Variants in PLPP2 observed in about 807,000 individuals in gnomAD.
PLPP2 encodes the protein phospholipid phosphatase 2, also known as PAP2-gamma.
In PLPP2, 29 loss-of-function variants were observed where a neutral mutation model predicts 35.2. The observed-to-expected ratio is 0.82, with a 90% CI of 0.61 to 1.12. The LOEUF (loss-of-function observed/expected upper bound fraction) is 1.12, where lower values mean the gene tolerates loss of function less well. Ranked by LOEUF, PLPP2 falls within the 50% of genes most tolerant of loss-of-function variation. The pLI is 0.00. For synonymous variants in PLPP2, 162 were observed against 167.0 expected (o/e 0.97, Z 0.23); for missense variants, 353 against 375.2 (o/e 0.94, Z 0.49).
chr19:288,425 T>A (rs1042568421), intron 1 of PLPP2: 2 of 361,642 alleles, frequency 5.5e-6, no homozygotes, highest in African/African-American at 4.2e-5. Flanking sequence ...ACACCCACCT[T>A]TGCACAGCCA....
chr19:287,787 G>A lies in PLPP2; in HGVS notation c.205-36C>T, dbSNP rs767088791. ...AGCCGCAGGAACCAGTGGGGGTCTC[G>A]GTCGGCCCAGGGGCCCTCACTCCTC... On this transcript the variant is annotated intron_variant, in intron 2 of 5. Coordinates refer to ENST00000434325, the MANE Select transcript of PLPP2 (RefSeq NM_003712.4). The surrounding 1 kb of genome is among the most constrained non-coding windows in gnomAD (Gnocchi z 4.3). 3.7e-5 allele frequency: 59 copies of A among 1,609,712 alleles called. No homozygotes were observed. In the Admixed American group the frequency reaches 6.0e-4, roughly 16 times the overall value.
At chr19:281,671 C>A (rs1970176342) in intron 5 of PLPP2, 134 bp from the exon 6 acceptor site, 2 of 831,550 alleles carry the variant, frequency 2.4e-6, no homozygotes, top group East Asian at 5.6e-5. Context: ...AGGAGTAGTG[C>A]CTGGGGTGGG....
chr19:287,312 C>G lies in PLPP2; in HGVS notation c.482+162G>C. On this transcript the variant is annotated intron_variant, in intron 3 of 5. Transcript: ENST00000434325. This position sits in a 1 kb window ranked among gnomAD's most constrained non-coding sequence, Gnocchi z 4.3. ...GACAGAATGTTACAACATGGATGAA[C>G]TTCAAAAACATACAAGAATGCACTA... is the stretch of plus-strand genomic sequence containing the variant. The G allele has an allele frequency of 3.3e-6, 3 of 901,122 alleles. No homozygotes were observed. The South Asian group carries it at 5.2e-5, about 16-fold the overall frequency. 55.8% of individuals were successfully genotyped at this position (901,122 alleles called of 1,614,324 possible). A position where few individuals can be genotyped will look rare whatever the true frequency, so the allele number is the denominator to read the frequency against.
chr19:287,915 C>T lies in PLPP2; in HGVS notation c.204+105G>A, dbSNP rs1347472185. On this transcript the variant is annotated intron_variant, in intron 2 of 5. Coordinates refer to ENST00000434325, the MANE Select transcript of PLPP2 (RefSeq NM_003712.4). This position sits in a 1 kb window ranked among gnomAD's most constrained non-coding sequence, Gnocchi z 4.3. The stretch of plus-strand genomic sequence containing the variant: ...CAAGGCTGTGTCCCCCGGCCCCACA[C>T]AGACCTCCAGGGCAGGGCTGTGCCA... 6.5e-7 allele frequency: 1 copy of T among 1,526,780 alleles called. No homozygotes were observed. Among genetic ancestry groups the T allele is most frequent in the Non-Finnish European group, 8.9e-7 (1 of 1,128,288 alleles). 94.6% of individuals were successfully genotyped at this position (1,526,780 alleles called of 1,614,324 possible). A position where few individuals can be genotyped will look rare whatever the true frequency, so the allele number is the denominator to read the frequency against.
chr19:282,155 C>T lies in PLPP2; in HGVS notation c.696G>A (p.Gly232=). 1.2e-6 allele frequency: 2 copies of T among 1,613,610 alleles called. No homozygotes were observed. The highest frequency in any genetic ancestry group is 1.7e-6 in the Non-Finnish European group (2 of 1,179,802). Residue 232 remains glycine, a synonymous_variant, in exon 5 of 6, where the codon GGG becomes GGA. Coordinates refer to ENST00000434325, the MANE Select transcript of PLPP2 (RefSeq NM_003712.4). The part of the protein sequence containing the change: ...WSDVLVGLLQ[G]ALVAALTVCY... The stretch of plus-strand genomic sequence containing the variant: ...TCACAGTGAGGGCAGCCACCAGTGC[C>T]CCCTGCAGGAGGCCAACAAGGACAT...
At chr19:290,858 G>C in intron 1 of PLPP2, 2 of 1,040,818 alleles carry the variant, frequency 1.9e-6, no homozygotes, top group Non-Finnish European at 2.4e-6. Flanking sequence ...CCCTCTCCGC[G>C]CGCAGCGGGA....
At chr19:291,118 T>G in intron 1 of PLPP2, 167 bp downstream of exon 1, 2 of 1,372,840 alleles carry the variant, frequency 1.5e-6, no homozygotes, top group Non-Finnish European at 1.9e-6. Context: ...GCGCGCGCAG[T>G]GCGGGGCGCG....
At chr19:288,885 G>C (rs73916866) in intron 1 of PLPP2, among the ~76,000 whole-genome samples, 1 of 152,108 alleles carries the variant, frequency 6.6e-6, no homozygotes, top group African/African-American at 2.4e-5. Flanking sequence ...AATAAACATC[G>C]GTTAAAATAA....
Position 282,750 on chromosome 19 carries a change from ACCG to A in PLPP2, c.539_540+1del. On this transcript the variant is annotated splice_donor_variant and coding_sequence_variant, in exon 4 of 6. Coordinates refer to ENST00000434325, the MANE Select transcript of PLPP2 (RefSeq NM_003712.4). LOFTEE classifies it high-confidence loss of function. ...AAGCAAGCCCGGGAGAAACAGACTC[ACCG>A]CCAAGAACACCATGCAGTACATCCC... is the stretch of plus-strand genomic sequence containing the variant. 1 of 1,612,786 alleles carries A rather than the reference ACCG, an allele frequency of 6.2e-7. No individual in the cohort carries two copies. Among genetic ancestry groups the A allele is most frequent in the African/African-American group, 1.3e-5 (1 of 74,970 alleles).
At position 287,356 on chromosome 19, in the gene PLPP2, C is replaced by T. The variant is rs900165287; in HGVS notation, c.482+118G>A. The T allele has an allele frequency of 1.6e-5, 21 of 1,301,406 alleles. No individual in the cohort carries two copies. Among genetic ancestry groups the T allele is most frequent in the South Asian group, 5.7e-5 (4 of 69,624 alleles). The allele number at this position is 1,301,406 out of a possible 1,614,324, so 80.6% of individuals were successfully genotyped here. ...TGCACTAACTTATACAAAAATTAGC[C>T]GGGCGTGGTGGCGCACGCCTGTAGT... is the stretch of plus-strand genomic sequence containing the variant. On this transcript the variant is annotated intron_variant, in intron 3 of 5. Coordinates refer to ENST00000434325, the MANE Select transcript of PLPP2 (RefSeq NM_003712.4). The surrounding 1 kb of genome is among the most constrained non-coding windows in gnomAD (Gnocchi z 4.3).
intron 5 of PLPP2, chr19:281,903 G>A (rs1970181192): frequency 5.5e-6 from 3 of 544,346 alleles, no homozygotes; most frequent in Non-Finnish European, 9.7e-6. Context: ...GGGTAATGAA[G>A]AGGGTCCAGG....
intron 1 of PLPP2, chr19:290,905 CG>C (rs1170484258): frequency 8.2e-7 from 1 of 1,214,400 alleles, no homozygotes; most frequent in Non-Finnish European, 1.0e-6. Context: ...GACGTCCTGC[CG>C]GGGTAACCCG....
chr19:287,473 C>T lies in PLPP2; in HGVS notation c.482+1G>A, dbSNP rs148781470. ...AGTGAAGGCTGCTGGTCCACACCCA[C>T]CTGGCCTCGGTGACATCAGCAGGGT... On this transcript the variant is annotated splice_donor_variant, in intron 3 of 5. Coordinates refer to ENST00000434325, the MANE Select transcript of PLPP2 (RefSeq NM_003712.4). LOFTEE classifies it high-confidence loss of function. This position sits in a 1 kb window ranked among gnomAD's most constrained non-coding sequence, Gnocchi z 4.3. 1.7e-5 allele frequency: 27 copies of T among 1,606,154 alleles called. No individual in the cohort carries two copies. Among genetic ancestry groups the T allele is most frequent in the Non-Finnish European group, 2.1e-5 (25 of 1,174,124 alleles).
At chr19:291,225 G>T (rs1001939154) in intron 1 of PLPP2, 60 bp downstream of exon 1, 2 of 1,594,166 alleles carry the variant, frequency 1.3e-6, no homozygotes, top group South Asian at 1.1e-5. Context: ...CTTGCGCGCA[G>T]CCGGGGGCGT....
At position 287,941 on chromosome 19, in the gene PLPP2, C is replaced by A. The variant is rs1269029287; in HGVS notation, c.204+79G>T. On this transcript the variant is annotated intron_variant, in intron 2 of 5. Coordinates refer to ENST00000434325, the MANE Select transcript of PLPP2 (RefSeq NM_003712.4). The surrounding 1 kb of genome is among the most constrained non-coding windows in gnomAD (Gnocchi z 4.3). ...AGACCTCCAGGGCAGGGCTGTGCCA[C>A]CCCCCCATCAGGCCCCCAGGGTAAA... 5 of 1,533,108 alleles carry A rather than the reference C, an allele frequency of 3.3e-6. No individual in the cohort carries two copies. The highest frequency in any genetic ancestry group is 1.4e-5 in the African/African-American group (1 of 69,328). The allele number at this position is 1,533,108 out of a possible 1,614,324, so 95.0% of individuals were successfully genotyped here.
At chr19:289,946 C>G (rs567561077) in intron 1 of PLPP2, among the ~76,000 whole-genome samples, 1 of 152,094 alleles carries the variant, frequency 6.6e-6, no homozygotes, top group Non-Finnish European at 1.5e-5. Flanking sequence ...GGTTAGCCTC[C>G]GTTTCCGACC....
chr19:290,980 G>A lies in PLPP2; in HGVS notation c.52+305C>T, dbSNP rs763879096. On this transcript the variant is annotated intron_variant, in intron 1 of 5. Transcript: ENST00000434325. ...CCAGGCCAGGCGGGGCGGGATGGAG[G>A]CGCGCGCGCGGCCCCTCCGCACAGA... The A allele has an allele frequency of 1.2e-5, 14 of 1,216,482 alleles. No individual in the cohort carries two copies. In the South Asian group the frequency reaches 3.6e-4, roughly 31 times the overall value. The allele number at this position is 1,216,482 out of a possible 1,614,324, so 75.4% of individuals were successfully genotyped here. A position where few individuals can be genotyped will look rare whatever the true frequency, so the allele number is the denominator to read the frequency against.
chr19:286,575 A>G (rs1970274373), intron 3 of PLPP2: 1 of 152,132 alleles, frequency 6.6e-6, no homozygotes, highest in South Asian at 2.1e-4. Context: ...TACATTGAAT[A>G]TAAATAAACA....
intron 1 of PLPP2, 193 bp downstream of exon 1, chr19:291,092 C>CTCG: frequency 1.5e-6 from 2 of 1,337,812 alleles, no homozygotes; most frequent in Non-Finnish European, 1.9e-6. Context: ...ACGCGGGGAC[C>CTCG]CCCGAGCCTG....
Sources: gnomAD v4.1 joint callset for allele counts (sites outside exome capture counted in the v4.1 genomes callset) on GRCh38, gnomAD v4.1.1 for gene constraint, Gnocchi (gnomAD v3.1) non-coding constraint, MANE v1.5 for transcripts, NCBI Gene and HGNC (gene_info 2026-07-23, HGNC 2026-07-21) for gene names.